CTNNA2: variants seen among roughly 807,000 people sequenced by gnomAD.
CTNNA2 encodes the protein catenin alpha 2.
A neutral mutation model predicts 101.0 loss-of-function variants in CTNNA2; 42 were observed. That is an observed-to-expected ratio of 0.42 (90% CI 0.32 to 0.54). The LOEUF (loss-of-function observed/expected upper bound fraction) is 0.54, where lower values mean the gene tolerates loss of function less well. Ranked by LOEUF, CTNNA2 falls within the 20% of genes least tolerant of loss-of-function variation. The probability of loss-of-function intolerance (pLI) is 0.14; values close to 1 mark genes in which losing one functional copy is unlikely to be tolerated. For missense variants in CTNNA2, 871 were observed against 1,223.1 expected (o/e 0.71, Z 4.29); for synonymous variants, 450 against 456.4 (o/e 0.99, Z 0.18).
chr2:80,046,843 C>T (rs1023325998), intron 7 of CTNNA2, among the ~76,000 whole-genome samples: 1 of 152,154 alleles, frequency 6.6e-6, no homozygotes, highest in African/African-American at 2.4e-5. Context: ...TTATTAACAC[C>T]ATTTTATAAG....
chr2:80,241,794 C>T (rs1245632935), intron 7 of CTNNA2, among the ~76,000 whole-genome samples: 1 of 152,178 alleles, frequency 6.6e-6, no homozygotes, highest in Non-Finnish European at 1.5e-5. Flanking sequence ...ATAAGGTTAA[C>T]TTTGCTGTAG....
At chr2:79,370,527 C>T (rs1261133913) in intron 3 of CTNNA2, among the ~76,000 whole-genome samples, 1 of 152,108 alleles carries the variant, frequency 6.6e-6, no homozygotes, top group Admixed American at 6.6e-5. Flanking sequence ...TATGCTAGGG[C>T]ATGTGGGCTA....
At chr2:79,930,292 AAG>A (rs61632844) in intron 7 of CTNNA2, among the ~76,000 whole-genome samples, 4,615 of 67,196 alleles carry the variant, frequency 0.069, 93 homozygotes, top group Middle Eastern at 0.11. Context: ...GAGAGAGAGA[AAG>A]AGAAAGAAAG....
intron 14 of CTNNA2, among the ~76,000 whole-genome samples, chr2:80,586,054 G>A (rs116703755): frequency 0.043 from 6,469 of 152,208 alleles, 198 homozygotes; most frequent in Middle Eastern, 0.075. Flanking sequence ...GTGTGTGTCC[G>A]TTCTGGCAAC....
At chr2:79,470,252 C>A (rs914919777) in intron 4 of CTNNA2, among the ~76,000 whole-genome samples, 1 of 152,188 alleles carries the variant, frequency 6.6e-6, no homozygotes, top group South Asian at 2.1e-4. Context: ...CTGGGCATCT[C>A]AGCTACTCAG....
chr2:79,674,337 CTG>C (rs959062989), intron 2 of CTNNA2, among the ~76,000 whole-genome samples: 9 of 152,162 alleles, frequency 5.9e-5, no homozygotes, highest in Admixed American at 2.6e-4. Flanking sequence ...GATAAACAGA[CTG>C]TGTTACAGAC....
intron 4 of CTNNA2, among the ~76,000 whole-genome samples, chr2:79,868,730 G>A (rs1298422888): frequency 6.6e-6 from 1 of 152,136 alleles, no homozygotes; most frequent in Non-Finnish European, 1.5e-5. Flanking sequence ...TTCTTTCAAA[G>A]CTGCCTTCTC....
intron 18 of CTNNA2, among the ~76,000 whole-genome samples, chr2:80,646,080 C>A (rs746523290): frequency 4.6e-5 from 7 of 152,008 alleles, no homozygotes; most frequent in Non-Finnish European, 1.0e-4. Flanking sequence ...TTCTGATAAC[C>A]TCAATACTGC....
Position 79,192,602 on chromosome 2 carries a change from G to A in CTNNA2, c.-523-5357G>A, listed in dbSNP as rs114383955. Reference sequence around the variant, plus strand: ...TGAGATAGCAAAATATAAGACATGCGAATTATCTAATTTAAAATGTAAAGG... The same window carrying A: ...TGAGATAGCAAAATATAAGACATGCAAATTATCTAATTTAAAATGTAAAGG... On this transcript the variant is annotated intron_variant, in intron 1 of 21. Coordinates refer to the CTNNA2 transcript ENST00000466387. Among the ~76,000 whole-genome samples, 115 of 152,164 alleles carry A rather than the reference G, an allele frequency of 7.6e-4. 2 individuals carry two copies. The East Asian group carries it at 8.1e-3, about 11-fold the overall frequency.
At chr2:79,557,470 TAA>T (rs112449897) in intron 1 of CTNNA2, among the ~76,000 whole-genome samples, 266 of 148,776 alleles carry the variant, frequency 1.8e-3, no homozygotes, top group African/African-American at 6.1e-3. Context: ...TTTCCTTAGT[TAA>T]AAAAAAAATG....
intron 3 of CTNNA2, among the ~76,000 whole-genome samples, chr2:79,804,842 G>T (rs949413659): frequency 6.6e-6 from 1 of 152,114 alleles, no homozygotes; most frequent in Admixed American, 6.6e-5. Context: ...TTTTAAAACC[G>T]ATTTAAGAAA....
intron 9 of CTNNA2, among the ~76,000 whole-genome samples, chr2:80,463,913 T>C (rs1036460089): frequency 3.3e-5 from 5 of 152,208 alleles, no homozygotes; most frequent in Non-Finnish European, 2.9e-5. Flanking sequence ...AGTCATACTT[T>C]TAGGGACTTG....
At chr2:79,897,269 C>T (rs1379342996) in intron 6 of CTNNA2, among the ~76,000 whole-genome samples, 2 of 149,616 alleles carry the variant, frequency 1.3e-5, no homozygotes, top group African/African-American at 5.0e-5. Context: ...AGGTTTGAGG[C>T]CAGTGGGGTA....
intron 4 of CTNNA2, among the ~76,000 whole-genome samples, chr2:79,438,418 A>G (rs961464474): frequency 5.9e-5 from 9 of 152,306 alleles, no homozygotes; most frequent in Middle Eastern, 3.4e-3. Context: ...TGAAAGTCCT[A>G]TGAAAGAGCA....
At chr2:79,939,116 G>A (rs1009591301) in intron 7 of CTNNA2, among the ~76,000 whole-genome samples, 3 of 152,164 alleles carry the variant, frequency 2.0e-5, no homozygotes, top group Non-Finnish European at 4.4e-5. Context: ...ATGAAATGGA[G>A]TTTTACCAGC....
At chr2:79,908,299 C>T (rs1390784534) in intron 6 of CTNNA2, among the ~76,000 whole-genome samples, 2 of 152,042 alleles carry the variant, frequency 1.3e-5, no homozygotes, top group South Asian at 2.1e-4. Context: ...TCTTTTCTTA[C>T]AACTCTTTAA....
intron 4 of CTNNA2, among the ~76,000 whole-genome samples, chr2:79,376,456 G>T (rs7569553): frequency 0.72 from 107,970 of 149,034 alleles, 39,413 homozygotes; most frequent in South Asian, 0.8. Context: ...GGTTGGTTTT[G>T]TTTTTGTTTT....
At chr2:79,366,773 A>T (rs1396355277) in intron 3 of CTNNA2, among the ~76,000 whole-genome samples, 1 of 152,230 alleles carries the variant, frequency 6.6e-6, no homozygotes, top group Non-Finnish European at 1.5e-5. Flanking sequence ...TTGGACTAAC[A>T]TCCATTCCTG....
intron 7 of CTNNA2, among the ~76,000 whole-genome samples, chr2:80,242,484 A>G (rs187039773): frequency 6.6e-6 from 1 of 152,316 alleles, no homozygotes; most frequent in African/African-American, 2.4e-5. Flanking sequence ...TATCTCTCCC[A>G]CACTACATAT....
Sources: gnomAD v4.1 joint callset for allele counts (sites outside exome capture counted in the v4.1 genomes callset) on GRCh38, gnomAD v4.1.1 for gene constraint, MANE v1.5 for transcripts, NCBI Gene and HGNC (gene_info 2026-07-23, HGNC 2026-07-21) for gene names.